SUCLA2: variants seen among roughly 807,000 people sequenced by gnomAD.
The protein encoded by SUCLA2 is succinate--CoA ligase [ADP-forming] subunit beta, mitochondrial.
SUCLA2 carries 30 observed loss-of-function variants against 54.8 expected under a neutral mutation model. That is an observed-to-expected ratio of 0.55 (90% CI 0.41 to 0.74). The LOEUF (loss-of-function observed/expected upper bound fraction) is 0.74, where lower values mean the gene tolerates loss of function less well. Ranked by LOEUF, SUCLA2 falls within the 30% of genes least tolerant of loss-of-function variation. The probability of loss-of-function intolerance (pLI) is 0.00; values close to 1 mark genes in which losing one functional copy is unlikely to be tolerated. For synonymous variants in SUCLA2, 172 were observed against 188.9 expected, an observed-to-expected ratio of 0.91 and a Z score of 0.74; for missense variants, 476 against 562.9, an observed-to-expected ratio of 0.85 and a Z score of 1.56.
chr13:47,975,748 C>T (rs1447808774), intron 4 of SUCLA2, among the ~76,000 whole-genome samples: 4 of 152,176 alleles, frequency 2.6e-5, no homozygotes, highest in Non-Finnish European at 2.9e-5. Context: ...CTAAACCCTC[C>T]AACCACATCT....
At chr13:47,982,474 A>G (rs1261913625) in intron 4 of SUCLA2, among the ~76,000 whole-genome samples, 1 of 137,028 alleles carries the variant, frequency 7.3e-6, no homozygotes, top group Non-Finnish European at 1.5e-5. Context: ...ATTTTGTAAG[A>G]CAAAAAAAGT....
intron 6 of SUCLA2, among the ~76,000 whole-genome samples, chr13:47,957,466 T>G (rs1449247980): frequency 6.6e-6 from 1 of 152,160 alleles, no homozygotes; most frequent in Admixed American, 6.5e-5. Context: ...CCACCCAGTT[T>G]TGGCTGAAGG....
intron 6 of SUCLA2, among the ~76,000 whole-genome samples, chr13:47,966,498 G>C (rs73187778): frequency 0.027 from 3,930 of 147,496 alleles, 89 homozygotes; most frequent in South Asian, 0.048. Flanking sequence ...AAGTTAGATA[G>C]GCTGGTGCAA....
intron 6 of SUCLA2, among the ~76,000 whole-genome samples, chr13:47,958,840 A>G (rs1285620420): frequency 6.6e-6 from 1 of 152,204 alleles, no homozygotes; most frequent in African/African-American, 2.4e-5. Context: ...GATGGCATCT[A>G]ATATATGTTT....
Position 47,973,247 on chromosome 13 carries a change from T to G in SUCLA2, c.663+17A>C, listed in dbSNP as rs1428710606. Reference sequence around the variant, plus strand: ...TCTCTAATCATAAGCTAGAAATTTTTCAGGAATACAACATACCTGGAGAGC... The same window carrying G: ...TCTCTAATCATAAGCTAGAAATTTTGCAGGAATACAACATACCTGGAGAGC... On this transcript the variant is annotated intron_variant, in intron 5 of 10. Transcript: ENST00000646932. 26 of 1,607,380 alleles carry G rather than the reference T, an allele frequency of 1.6e-5. No individual in the cohort carries two copies. Among genetic ancestry groups the G allele is most frequent in the Non-Finnish European group, 2.1e-5 (25 of 1,175,548 alleles).
At chr13:47,969,309 T>TAC (rs1327657849) in intron 5 of SUCLA2, among the ~76,000 whole-genome samples, 1 of 152,220 alleles carries the variant, frequency 6.6e-6, no homozygotes, top group African/African-American at 2.4e-5. Flanking sequence ...AAAGAGTGTC[T>TAC]ACCAAGCAAT....
intron 6 of SUCLA2, among the ~76,000 whole-genome samples, chr13:47,959,142 T>G (rs1949846187): frequency 6.6e-6 from 1 of 152,072 alleles, no homozygotes; most frequent in Non-Finnish European, 1.5e-5. Context: ...GTTTAAAAAA[T>G]GTGCCCCAAA....
intron 6 of SUCLA2, among the ~76,000 whole-genome samples, chr13:47,966,763 C>G (rs1384553202): frequency 2.7e-5 from 4 of 150,388 alleles, no homozygotes; most frequent in African/African-American, 7.3e-5. Flanking sequence ...CACCTTTAAT[C>G]CCAGCACTTC....
At position 47,992,104 on chromosome 13, in the gene SUCLA2, C is replaced by T. The variant is rs138359523; in HGVS notation, c.272-3123G>A. Among the ~76,000 whole-genome samples the T allele has an allele frequency of 4.3e-3, 659 of 152,260 alleles. 7 individuals are homozygous for T. Among genetic ancestry groups the T allele is most frequent in the African/African-American group, 0.015 (612 of 41,544 alleles). ...ATTTGTTTATATCCGAAGAAGAGAA[C>T]TACAAGGCAAACAGTGCAAATGTAA... On this transcript the variant is annotated intron_variant, in intron 2 of 10. Transcript: ENST00000646932.
intron 10 of SUCLA2, among the ~76,000 whole-genome samples, chr13:47,945,446 C>CAAAAAAAAA (rs1949722099): frequency 1.8e-5 from 1 of 54,720 alleles, no homozygotes; most frequent in Non-Finnish European, 4.3e-5. Context: ...AAAAAAAAAT[C>CAAAAAAAAA]AAGAATCTAC....
chr13:47,977,013 A>AC (rs918360111), intron 4 of SUCLA2, among the ~76,000 whole-genome samples: 1 of 151,496 alleles, frequency 6.6e-6, no homozygotes, highest in African/African-American at 2.4e-5. Context: ...AAAAAAAAAA[A>AC]TCAACAAAAC....
chr13:47,983,484 T>C (rs1408159592), intron 4 of SUCLA2, among the ~76,000 whole-genome samples: 1 of 110,850 alleles, frequency 9.0e-6, no homozygotes, highest in Non-Finnish European at 1.7e-5. Context: ...TTAGTTTTCT[T>C]TTCCCTTTTT....
intron 10 of SUCLA2, among the ~76,000 whole-genome samples, chr13:47,947,767 A>G (rs150365377): frequency 3.9e-5 from 6 of 152,344 alleles, no homozygotes; most frequent in African/African-American, 1.4e-4. Context: ...CAGAGAGGGC[A>G]GAGAACACAG....
intron 1 of SUCLA2, 188 bp downstream of exon 1, chr13:48,000,992 C>G (rs1184543279): frequency 6.9e-7 from 1 of 1,446,006 alleles, no homozygotes; most frequent in Middle Eastern, 2.0e-4. Flanking sequence ...TGGGTCAGAG[C>G]CGCGCAAACA....
intron 8 of SUCLA2, among the ~76,000 whole-genome samples, chr13:47,953,868 C>T (rs1949795938): frequency 6.6e-6 from 1 of 151,878 alleles, no homozygotes. Flanking sequence ...ACTTCACATC[C>T]CTTATACTTT....
chr13:47,948,609 T>A (rs770473783), intron 10 of SUCLA2, among the ~76,000 whole-genome samples: 23 of 152,148 alleles, frequency 1.5e-4, no homozygotes, highest in South Asian at 4.1e-4. Flanking sequence ...TTACCCATAA[T>A]GTATCCTTTT....
At chr13:47,962,784 G>C (rs1949881265) in intron 6 of SUCLA2, among the ~76,000 whole-genome samples, 1 of 152,158 alleles carries the variant, frequency 6.6e-6, no homozygotes, top group Admixed American at 6.5e-5. Flanking sequence ...GACTGAAACT[G>C]ACCCAACAGT....
chr13:47,997,216 A>G (rs1248213204), intron 1 of SUCLA2, among the ~76,000 whole-genome samples, 193 bp from the exon 2 acceptor site: 1 of 152,142 alleles, frequency 6.6e-6, no homozygotes. Flanking sequence ...CTGTCATTTT[A>G]ATTATTTCCT....
intron 8 of SUCLA2, among the ~76,000 whole-genome samples, chr13:47,953,785 C>CACAA (rs1224218494): frequency 1.3e-5 from 2 of 152,236 alleles, no homozygotes; most frequent in African/African-American, 4.8e-5. Context: ...AAAATCTACA[C>CACAA]TGGCCACACA....
Sources: gnomAD v4.1 joint callset for allele counts (sites outside exome capture counted in the v4.1 genomes callset) on GRCh38, gnomAD v4.1.1 for gene constraint, MANE v1.5 for transcripts, NCBI Gene and HGNC (gene_info 2026-07-23, HGNC 2026-07-21) for gene names.